The following FLT1 variants were observed in gnomAD, a reference collection of about 807,000 sequenced individuals.
FLT1 encodes fms related receptor tyrosine kinase 1.
FLT1 carries 49 observed loss-of-function variants against 156.3 expected under a neutral mutation model. The observed-to-expected ratio is 0.31, with a 90% CI of 0.25 to 0.40. FLT1 has a LOEUF of 0.40. Among genes scored for constraint, FLT1 ranks in the 10% least tolerant of loss-of-function variants. The pLI is 1.00. For missense variants in FLT1, 1,322 were observed against 1,637.2 expected (o/e 0.81, Z 3.32); for synonymous variants, 594 against 583.8 (o/e 1.02, Z -0.25).
chr13:28,380,784 C>A (rs769714349), intron 14 of FLT1, among the ~76,000 whole-genome samples: 6 of 152,138 alleles, frequency 3.9e-5, no homozygotes, highest in Non-Finnish European at 8.8e-5. Context: ...ATTCTGCCAA[C>A]TCACTGGACA....
At chr13:28,405,612 T>G (rs1312403311) in intron 11 of FLT1, among the ~76,000 whole-genome samples, 168 bp downstream of exon 11, 5 of 152,204 alleles carry the variant, frequency 3.3e-5, no homozygotes, top group Non-Finnish European at 7.3e-5. Flanking sequence ...GTAGCTTGAG[T>G]AGTCTCTGTG....
chr13:28,315,185 A>G (rs1336031605), intron 25 of FLT1, among the ~76,000 whole-genome samples: 5 of 152,256 alleles, frequency 3.3e-5, no homozygotes, highest in Non-Finnish European at 7.3e-5. Context: ...CATTAAATAA[A>G]TTAATGCTTA....
intron 4 of FLT1, 128 bp from the exon 5 acceptor site, chr13:28,434,348 A>T: frequency 2.3e-6 from 2 of 875,164 alleles, no homozygotes; most frequent in Non-Finnish European, 3.6e-6. Context: ...TAGTTTGCTT[A>T]TAACAAACTA....
chr13:28,407,270 C>T (rs1875868095), intron 10 of FLT1, among the ~76,000 whole-genome samples: 2 of 152,262 alleles, frequency 1.3e-5, no homozygotes, highest in Admixed American at 1.3e-4. Flanking sequence ...TATTATCAAA[C>T]ACACCGATAA....
intron 14 of FLT1, among the ~76,000 whole-genome samples, chr13:28,375,920 T>C (rs1266596546): frequency 6.6e-6 from 1 of 152,252 alleles, no homozygotes; most frequent in Non-Finnish European, 1.5e-5. Context: ...ACAACTCAAG[T>C]TTTGCAAAAG....
intron 3 of FLT1, among the ~76,000 whole-genome samples, chr13:28,456,741 A>C (rs1343243334): frequency 6.6e-6 from 1 of 151,904 alleles, no homozygotes; most frequent in Non-Finnish European, 1.5e-5. Context: ...GGTTGCAGTG[A>C]GCTGAGATTG....
chr13:28,346,457 C>T lies in FLT1; in HGVS notation c.2249-906G>A, dbSNP rs192572599. ...AGAAGTGGCTGGGCATGGTGGCTCG[C>T]ATCTGTAATCCTAGCAGTTTGGGAG... On this transcript the variant is annotated intron_variant, in intron 15 of 29. Coordinates refer to ENST00000282397, the MANE Select transcript of FLT1 (RefSeq NM_002019.4). 2.9e-3 allele frequency among the ~76,000 whole-genome samples: 444 copies of T among 152,082 alleles called. 3 individuals are homozygous for T. The highest frequency in any genetic ancestry group is 5.8e-3 in the Non-Finnish European group (392 of 68,006).
Position 28,412,169 on chromosome 13 carries a change from C to T in FLT1, c.1437-6275G>A, listed in dbSNP as rs546527940. ...GGCTGGCCCCCATTATGGCGGCCAT[C>T]CTGTAGCAGGGCCTGATGTAAACAT... On this transcript the variant is annotated intron_variant, in intron 10 of 29. Transcript: ENST00000282397. 7.9e-5 allele frequency among the ~76,000 whole-genome samples: 12 copies of T among 152,326 alleles called. No homozygotes were observed. In the South Asian group the frequency reaches 2.3e-3, roughly 29 times the overall value.
chr13:28,407,220 T>C (rs775133646), intron 10 of FLT1, among the ~76,000 whole-genome samples: 5 of 152,144 alleles, frequency 3.3e-5, no homozygotes, highest in Non-Finnish European at 7.3e-5. Context: ...GTACCCGAAG[T>C]TGTTTTTGCT....
chr13:28,427,408 G>A (rs930655575), intron 9 of FLT1, 90 bp from the exon 10 acceptor site: 23 of 1,178,196 alleles, frequency 2.0e-5, no homozygotes, highest in Non-Finnish European at 2.7e-5. Context: ...ATTCTCACTG[G>A]CTTTGATGTC....
At chr13:28,428,488 C>T (rs1177494368) in intron 8 of FLT1, among the ~76,000 whole-genome samples, 4 of 147,110 alleles carry the variant, frequency 2.7e-5, no homozygotes, top group African/African-American at 1.0e-4. Context: ...AAAAAAAAAA[C>T]AGAAAGCATA....
At chr13:28,482,266 C>T (rs1179075527) in intron 1 of FLT1, among the ~76,000 whole-genome samples, 11 of 152,046 alleles carry the variant, frequency 7.2e-5, no homozygotes, top group African/African-American at 2.7e-4. Flanking sequence ...TGAAGAAATC[C>T]CATCTCTACT....
chr13:28,306,221 T>C (rs535920954), intron 29 of FLT1, among the ~76,000 whole-genome samples: 1 of 152,260 alleles, frequency 6.6e-6, no homozygotes, highest in African/African-American at 2.4e-5. Context: ...GGTGCCAGGA[T>C]GAAATGGGAA....
chr13:28,479,314 CTTCT>C (rs1049456841), intron 1 of FLT1, among the ~76,000 whole-genome samples: 8 of 152,256 alleles, frequency 5.3e-5, no homozygotes, highest in East Asian at 3.9e-4. Context: ...AATCAGTTTC[CTTCT>C]AAGTTAAACA....
At chr13:28,430,028 AT>A in intron 8 of FLT1, 21 bp downstream of exon 8, 1 of 1,448,558 alleles carries the variant, frequency 6.9e-7, no homozygotes, top group Non-Finnish European at 9.7e-7. Flanking sequence ...TTAAACTGTT[AT>A]GGAAATAAGG....
chr13:28,344,792 CTTTT>C (rs869199622), intron 16 of FLT1, among the ~76,000 whole-genome samples: 5 of 41,438 alleles, frequency 1.2e-4, no homozygotes, highest in South Asian at 9.7e-4. Flanking sequence ...GGGGCCTTTA[CTTTT>C]TTTTTTTTTT....
intron 16 of FLT1, among the ~76,000 whole-genome samples, chr13:28,344,174 A>G (rs912492330): frequency 2.5e-4 from 38 of 151,782 alleles, no homozygotes; most frequent in African/African-American, 8.2e-4. Flanking sequence ...ATTCCTCACC[A>G]TGGCCTACGA....
At position 28,301,978 on chromosome 13, in the gene FLT1, G is replaced by C. The variant is rs958935276; in HGVS notation, c.*1189C>G. On this transcript the variant is annotated 3_prime_UTR_variant, in exon 30 of 30. Coordinates refer to ENST00000282397, the MANE Select transcript of FLT1 (RefSeq NM_002019.4). ...CATCCTTTCAGATTAGTGTGAGATAGTGGAATCCCCATTAAATGAAAAGGA... is the reference window on the plus strand; with the variant it reads ...CATCCTTTCAGATTAGTGTGAGATACTGGAATCCCCATTAAATGAAAAGGA... 3 of 233,600 alleles carry C rather than the reference G, an allele frequency of 1.3e-5. No homozygotes were observed. Among genetic ancestry groups the C allele is most frequent in the African/African-American group, 4.4e-5 (2 of 45,364 alleles). 14.5% of individuals were successfully genotyped at this position (233,600 alleles called of 1,614,324 possible). A position where few individuals can be genotyped will look rare whatever the true frequency, so the allele number is the denominator to read the frequency against.
intron 10 of FLT1, among the ~76,000 whole-genome samples, chr13:28,412,693 T>G (rs1471245962): frequency 6.6e-6 from 1 of 150,860 alleles, no homozygotes; most frequent in Non-Finnish European, 1.5e-5. Context: ...AGTGCTGGGG[T>G]TACAGGAGTG....
Sources: gnomAD v4.1 joint callset for allele counts (sites outside exome capture counted in the v4.1 genomes callset) on GRCh38, gnomAD v4.1.1 for gene constraint, MANE v1.5 for transcripts, NCBI Gene and HGNC (gene_info 2026-07-23, HGNC 2026-07-21) for gene names.